WDFY2: variants seen among roughly 807,000 people sequenced by gnomAD.
The protein encoded by WDFY2 is WD repeat and FYVE domain-containing protein 2.
A neutral mutation model predicts 56.4 loss-of-function variants in WDFY2; 36 were observed. The ratio of observed to expected loss-of-function variants is 0.64; its 90% CI spans 0.49 to 0.84. The LOEUF (loss-of-function observed/expected upper bound fraction) is 0.84. Ranked by LOEUF, WDFY2 falls within the 40% of genes least tolerant of loss-of-function variation. The pLI is 0.00. For synonymous variants in WDFY2, 176 were observed against 183.7 expected (o/e 0.96, Z 0.34); for missense variants, 444 against 512.2 (o/e 0.87, Z 1.29).
chr13:51,726,695 G>T (rs1315699394), intron 5 of WDFY2, among the ~76,000 whole-genome samples: 1 of 152,194 alleles, frequency 6.6e-6, no homozygotes, highest in East Asian at 1.9e-4. Context: ...CAGACACTAT[G>T]CCAACTTCGT....
chr13:51,691,126 T>G (rs1280831790), intron 3 of WDFY2, among the ~76,000 whole-genome samples: 2 of 151,994 alleles, frequency 1.3e-5, no homozygotes, highest in Non-Finnish European at 1.5e-5. Context: ...GTTGCGAAAA[T>G]TTTCTCCCAT....
In WDFY2 at chr13:51,751,426, C is replaced by A; in HGVS notation, c.831+11C>A. 2 of 1,613,300 alleles carry A rather than the reference C, an allele frequency of 1.2e-6. No individual in the cohort carries two copies. Among genetic ancestry groups the A allele is most frequent in the Non-Finnish European group, 1.7e-6 (2 of 1,179,354 alleles). On this transcript the variant is annotated intron_variant, in intron 8 of 11. Transcript: ENST00000298125. ...GTGGAGAGGCAGGAGGTAGGTGGCA[C>A]AGCAGGGTGGGGTGGGCCCTGTGGT...
chr13:51,758,132 A>G, intron 10 of WDFY2, 60 bp from the exon 11 acceptor site: 15 of 1,279,596 alleles, frequency 1.2e-5, no homozygotes, highest in African/African-American at 1.4e-5. Context: ...GTCATCCTAG[A>G]TCTCTCTCAT....
At chr13:51,705,967 A>C (rs1362799636) in intron 4 of WDFY2, among the ~76,000 whole-genome samples, 1 of 152,184 alleles carries the variant, frequency 6.6e-6, no homozygotes, top group African/African-American at 2.4e-5. Flanking sequence ...TGTTTTTCTT[A>C]AATGTATAAG....
intron 3 of WDFY2, among the ~76,000 whole-genome samples, chr13:51,682,504 G>T (rs1955996161): frequency 6.6e-6 from 1 of 152,136 alleles, no homozygotes; most frequent in African/African-American, 2.4e-5. Context: ...GTAAATGAAT[G>T]AATATAGTTT....
intron 1 of WDFY2, among the ~76,000 whole-genome samples, chr13:51,611,317 A>C (rs1954498844): frequency 6.6e-6 from 1 of 152,212 alleles, no homozygotes; most frequent in East Asian, 1.9e-4. Flanking sequence ...GTATAGTCAC[A>C]GTTTTTCAAA....
intron 1 of WDFY2, among the ~76,000 whole-genome samples, chr13:51,625,147 A>G (rs1331638235): frequency 3.3e-5 from 5 of 152,186 alleles, no homozygotes; most frequent in Non-Finnish European, 4.4e-5. Flanking sequence ...TTGCAGTAGG[A>G]GACGTAAAAG....
intron 3 of WDFY2, among the ~76,000 whole-genome samples, chr13:51,681,327 G>A (rs1282572888): frequency 1.3e-5 from 2 of 152,140 alleles, no homozygotes; most frequent in African/African-American, 4.8e-5. Flanking sequence ...GAAATTTTCT[G>A]TTTTCCAGGA....
intron 4 of WDFY2, among the ~76,000 whole-genome samples, chr13:51,704,972 T>C (rs116266720): frequency 0.011 from 1,619 of 152,242 alleles, 25 homozygotes; most frequent in African/African-American, 0.036. Flanking sequence ...ACCTAGAATA[T>C]GGCAAGTGAT....
intron 6 of WDFY2, among the ~76,000 whole-genome samples, chr13:51,736,737 C>T (rs1453849284): frequency 2.0e-5 from 3 of 152,306 alleles, no homozygotes; most frequent in Middle Eastern, 3.4e-3. Flanking sequence ...GTGATCAGCC[C>T]GCCTTGGCCT....
At chr13:51,667,931 A>G (rs1441549208) in intron 2 of WDFY2, among the ~76,000 whole-genome samples, 1 of 108,892 alleles carries the variant, frequency 9.2e-6, no homozygotes, top group Non-Finnish European at 1.7e-5. Flanking sequence ...TTGCTCTGTC[A>G]CCCAGGCTGC....
At chr13:51,609,144 CAT>C (rs1325371419) in intron 1 of WDFY2, among the ~76,000 whole-genome samples, 1 of 152,172 alleles carries the variant, frequency 6.6e-6, no homozygotes, top group Non-Finnish European at 1.5e-5. Flanking sequence ...CAGAAAAGCA[CAT>C]ATGACATAAA....
At chr13:51,759,637 T>G (rs562308907) in intron 11 of WDFY2, 103 bp from the exon 12 acceptor site, 24 of 1,004,554 alleles carry the variant, frequency 2.4e-5, no homozygotes, top group Non-Finnish European at 3.5e-5. Flanking sequence ...TAGTATGTGG[T>G]GGTTTGTTAA....
chr13:51,737,293 C>T (rs1952858753), intron 6 of WDFY2, among the ~76,000 whole-genome samples: 1 of 152,072 alleles, frequency 6.6e-6, no homozygotes, highest in Non-Finnish European at 1.5e-5. Context: ...CTCATTTAAT[C>T]TAATTAACCC....
intron 9 of WDFY2, 63 bp from the exon 10 acceptor site, chr13:51,756,269 G>C (rs1953378216): frequency 6.4e-7 from 1 of 1,556,870 alleles, no homozygotes; most frequent in African/African-American, 1.4e-5. Context: ...GGAGGGGTGA[G>C]ATGCGGGGGC....
chr13:51,595,427 A>G lies in WDFY2; in HGVS notation c.137+10603A>G, dbSNP rs1220984409. Among the ~76,000 whole-genome samples, 8 of 152,342 alleles carry G rather than the reference A, an allele frequency of 5.3e-5. No homozygotes were observed. In the East Asian group the frequency reaches 1.5e-3, roughly 29 times the overall value. ...CAAGGTTTAAACATATGGACTTCAC[A>G]TAAACACCCAGATTGCCAGCTTCTC... is the stretch of plus-strand genomic sequence containing the variant. On this transcript the variant is annotated intron_variant, in intron 1 of 11. Transcript: ENST00000298125.
At chr13:51,703,338 A>G (rs1952021405) in intron 3 of WDFY2, among the ~76,000 whole-genome samples, 2 of 152,248 alleles carry the variant, frequency 1.3e-5, no homozygotes, top group Admixed American at 1.3e-4. Flanking sequence ...ACCGGTATCA[A>G]GATGCTGAAC....
At chr13:51,735,207 G>T (rs1183827252) in intron 6 of WDFY2, among the ~76,000 whole-genome samples, 1 of 152,192 alleles carries the variant, frequency 6.6e-6, no homozygotes, top group African/African-American at 2.4e-5. Context: ...TGTCCTGGAT[G>T]CCTCTTGCTT....
rs542156835 is a variant in WDFY2, at chr13:51,632,342, G to A, written c.138-28254G>A. ...TTCTAAAAAACTCATTTTGAGTTCT[G>A]TTTTTTTTCCCATTATTTATTACTT... On this transcript the variant is annotated intron_variant, in intron 1 of 11. Transcript: ENST00000298125. Among the ~76,000 whole-genome samples, 10 of 150,718 alleles carry A rather than the reference G, an allele frequency of 6.6e-5. No individual in the cohort carries two copies. The South Asian group carries it at 1.9e-3, about 29-fold the overall frequency.
Sources: allele counts gnomAD v4.1 joint callset (sites outside exome capture counted in the v4.1 genomes callset), GRCh38; gene constraint gnomAD v4.1.1; transcripts MANE v1.5; gene names NCBI Gene and HGNC (gene_info 2026-07-23, HGNC 2026-07-21).